PDE4D: variants seen among roughly 807,000 people sequenced by gnomAD.
PDE4D encodes 3',5'-cyclic-AMP phosphodiesterase 4D.
A neutral mutation model predicts 87.4 loss-of-function variants in PDE4D; 24 were observed. The observed-to-expected ratio is 0.27, with a 90% CI of 0.20 to 0.39. The LOEUF is 0.39. Ranked by LOEUF, PDE4D falls within the 10% of genes least tolerant of loss-of-function variation. PDE4D has a pLI of 1.00. For missense variants in PDE4D, 714 were observed against 1,041.0 expected (o/e 0.69, Z 4.32); for synonymous variants, 384 against 383.2 (o/e 1.00, Z -0.02).
chr5:60,100,854 T>C (rs1466159471), intron 2 of PDE4D, among the ~76,000 whole-genome samples: 1 of 152,084 alleles, frequency 6.6e-6, no homozygotes. Flanking sequence ...TTTTTCTAAG[T>C]CAAAGCTGAG....
intron 5 of PDE4D, among the ~76,000 whole-genome samples, chr5:59,082,192 T>C (rs1766892276): frequency 6.6e-6 from 1 of 152,158 alleles, no homozygotes; most frequent in African/African-American, 2.4e-5. Flanking sequence ...AAAGAGTTGA[T>C]AGTAAAATAG....
chr5:59,156,320 A>AAATATAT lies in PDE4D; in HGVS notation c.808+24274_808+24275insATATATT, dbSNP rs548335725. 6.0e-3 allele frequency among the ~76,000 whole-genome samples: 489 copies of AAATATAT among 81,714 alleles called. 3 individuals are homozygous for AAATATAT. The highest frequency in any genetic ancestry group is 0.012 in the African/African-American group (243 of 19,626). 53.6% of individuals were successfully genotyped at this position (81,714 alleles called of 152,430 possible). Reference sequence around the variant, plus strand: ...CTAGAGACTTGCCAGAAAAAAAAAAAATATATATATATGTGTGTGTGTGTG... The same window carrying AAATATAT: ...CTAGAGACTTGCCAGAAAAAAAAAAAAATATATATATATATATATGTGTGTGTGTGTG... On this transcript the variant is annotated intron_variant, in intron 5 of 14. Coordinates refer to ENST00000340635, the MANE Select transcript of PDE4D (RefSeq NM_001104631.2).
chr5:59,149,122 T>C (rs1232855598), intron 5 of PDE4D, among the ~76,000 whole-genome samples: 1 of 152,112 alleles, frequency 6.6e-6, no homozygotes, highest in Non-Finnish European at 1.5e-5. Flanking sequence ...TTTAGTACCA[T>C]TTTCTCTTAA....
intron 5 of PDE4D, among the ~76,000 whole-genome samples, chr5:59,047,960 C>T (rs1025740253): frequency 1.2e-4 from 18 of 152,184 alleles, no homozygotes; most frequent in African/African-American, 4.3e-4. Context: ...ACTTCCAGCT[C>T]CCAGAACTGT....
At chr5:59,433,157 C>T (rs1796350977) in intron 1 of PDE4D, among the ~76,000 whole-genome samples, 2 of 152,000 alleles carry the variant, frequency 1.3e-5, no homozygotes, top group South Asian at 4.1e-4. Context: ...GGAGATTGCC[C>T]AGTAGAAGAG....
At chr5:60,338,649 C>T (rs1179502871) in intron 1 of PDE4D, among the ~76,000 whole-genome samples, 9 of 152,224 alleles carry the variant, frequency 5.9e-5, no homozygotes, top group Non-Finnish European at 1.3e-4. Context: ...GATCCACCTT[C>T]GAGGTATGGA....
chr5:59,440,831 C>G (rs1178771235), intron 1 of PDE4D, among the ~76,000 whole-genome samples: 1 of 152,064 alleles, frequency 6.6e-6, no homozygotes, highest in Non-Finnish European at 1.5e-5. Flanking sequence ...TCATTAGAAG[C>G]CATGGGAAAT....
chr5:59,123,398 T>G (rs1774901924), intron 5 of PDE4D, among the ~76,000 whole-genome samples: 1 of 152,234 alleles, frequency 6.6e-6, no homozygotes, highest in South Asian at 2.1e-4. Flanking sequence ...TTCAGTTGAC[T>G]AAAACACAAA....
At chr5:59,010,131 G>C (rs1235260583) in intron 6 of PDE4D, among the ~76,000 whole-genome samples, 1 of 152,144 alleles carries the variant, frequency 6.6e-6, no homozygotes, top group African/African-American at 2.4e-5. Context: ...TTTGAGATCA[G>C]CCTCGGCAAT....
At chr5:59,787,317 A>C in intron 1 of PDE4D, among the ~76,000 whole-genome samples, 1 of 152,232 alleles carries the variant, frequency 6.6e-6, no homozygotes, top group Non-Finnish European at 1.5e-5. Flanking sequence ...CCGACATGCC[A>C]TGTCCATTTA....
At chr5:59,113,292 T>G (rs1773005063) in intron 5 of PDE4D, among the ~76,000 whole-genome samples, 1 of 152,220 alleles carries the variant, frequency 6.6e-6, no homozygotes, top group Non-Finnish European at 1.5e-5. Context: ...TCTTAAAAAT[T>G]TAGATTCTGA....
intron 1 of PDE4D, among the ~76,000 whole-genome samples, chr5:60,454,639 G>A (rs1746334145): frequency 6.6e-6 from 1 of 151,990 alleles, no homozygotes; most frequent in Non-Finnish European, 1.5e-5. Context: ...TACACACCAG[G>A]GCATGTTGGG....
chr5:59,216,908 A>G (rs907208169), intron 1 of PDE4D: 1 of 199,134 alleles, frequency 5.0e-6, no homozygotes, highest in Admixed American at 5.6e-5. Flanking sequence ...GACAGAATTT[A>G]CAATGAATTG....
chr5:58,983,543 G>A lies in PDE4D; in HGVS notation c.1552+4950C>T, dbSNP rs116823212. On this transcript the variant is annotated intron_variant, in intron 11 of 14. Coordinates refer to ENST00000340635, the MANE Select transcript of PDE4D (RefSeq NM_001104631.2). ...CAGTATCTCCTAAGGCCCAGCAGCA[G>A]GCCTATATCTTTCTTTCAAAAGGAG... Among the ~76,000 whole-genome samples the A allele has an allele frequency of 3.6e-4, 55 of 152,296 alleles. 1 individual carries two copies. The highest frequency in any genetic ancestry group is 1.3e-3 in the African/African-American group (54 of 41,564).
chr5:60,207,824 T>C (rs988355730), intron 1 of PDE4D, among the ~76,000 whole-genome samples: 1 of 152,198 alleles, frequency 6.6e-6, no homozygotes, highest in African/African-American at 2.4e-5. Context: ...TCTGCTCTTA[T>C]TTCAGTGTGA....
chr5:59,700,191 G>A (rs983974142), intron 1 of PDE4D, among the ~76,000 whole-genome samples: 1 of 152,174 alleles, frequency 6.6e-6, no homozygotes, highest in East Asian at 1.9e-4. Flanking sequence ...TGTGATTACA[G>A]TCTCTATTGT....
chr5:60,059,683 G>T lies in PDE4D; in HGVS notation c.43-70966C>A, dbSNP rs1447245657. On this transcript the variant is annotated intron_variant, in intron 2 of 16. Transcript: ENST00000502484. Reference sequence around the variant, plus strand: ...AATGAAGACAGGAAAGGGTACAGGAGTGACATGGGGAACTGACAATTACAA... The same window carrying T: ...AATGAAGACAGGAAAGGGTACAGGATTGACATGGGGAACTGACAATTACAA... 2.0e-5 allele frequency among the ~76,000 whole-genome samples: 3 copies of T among 152,110 alleles called. 1 individual carries two copies. The highest frequency in any genetic ancestry group is 7.2e-5 in the African/African-American group (3 of 41,510).
At chr5:59,182,942 C>A (rs1309009072) in intron 4 of PDE4D, among the ~76,000 whole-genome samples, 1 of 152,216 alleles carries the variant, frequency 6.6e-6, no homozygotes, top group Non-Finnish European at 1.5e-5. Flanking sequence ...TCCTAGACTC[C>A]TTTTCTGCAG....
At chr5:59,756,475 C>A (rs1019384855) in intron 1 of PDE4D, among the ~76,000 whole-genome samples, 6 of 148,294 alleles carry the variant, frequency 4.0e-5, no homozygotes, top group African/African-American at 1.5e-4. Flanking sequence ...CCAAAGCCAA[C>A]TATACCAATC....
Sources: allele counts gnomAD v4.1 joint callset (sites outside exome capture counted in the v4.1 genomes callset), GRCh38; gene constraint gnomAD v4.1.1; transcripts MANE v1.5; gene names NCBI Gene and HGNC (gene_info 2026-07-23, HGNC 2026-07-21).